Variants in XPO1 observed in about 807,000 individuals in gnomAD.
XPO1 encodes the protein exportin 1.
In XPO1, 5 loss-of-function variants were observed where a neutral mutation model predicts 133.3. The ratio of observed to expected loss-of-function variants is 0.04; its 90% CI spans 0.02 to 0.08. The LOEUF (loss-of-function observed/expected upper bound fraction) is 0.08, where lower values mean the gene tolerates loss of function less well. Among genes scored for constraint, XPO1 ranks in the 10% least tolerant of loss-of-function variants. The pLI, the probability that XPO1 is intolerant of heterozygous loss-of-function variation, is 1.00. For missense variants in XPO1, 506 were observed against 1,267.5 expected, an observed-to-expected ratio of 0.40 and a Z score of 9.12; for synonymous variants, 419 against 408.2, an observed-to-expected ratio of 1.03 and a Z score of -0.32.
Position 61,482,033 on chromosome 2 carries a change from C to CTTTTTTTTTTTTTTTTTTTTTTTTTTTTT in XPO1, c.2972+346_2972+347insAAAAAAAAAAAAAAAAAAAAAAAAAAAAA, listed in dbSNP as rs1491506588. ...TACAGTCATGAGCCACCGTGCGTGG[C>CTTTTTTTTTTTTTTTTTTTTTTTTTTTTT]CTTTTTTTTTTTTTTTTTTTTTTTG... On this transcript the variant is annotated intron_variant, in intron 23 of 24. Coordinates refer to ENST00000401558, the MANE Select transcript of XPO1 (RefSeq NM_003400.4). 7.7e-4 allele frequency among the ~76,000 whole-genome samples: 67 copies of CTTTTTTTTTTTTTTTTTTTTTTTTTTTTT among 86,822 alleles called. 18 individuals carry two copies. Among genetic ancestry groups the CTTTTTTTTTTTTTTTTTTTTTTTTTTTTT allele is most frequent in the Middle Eastern group, 8.3e-3 (1 of 120 alleles). The allele number at this position is 86,822 out of a possible 152,430, so 57.0% of individuals were successfully genotyped here. A position where few individuals can be genotyped will look rare whatever the true frequency, so the allele number is the denominator to read the frequency against.
chr2:61,529,475 G>A (rs1699059139), intron 2 of XPO1, among the ~76,000 whole-genome samples: 1 of 152,096 alleles, frequency 6.6e-6, no homozygotes, highest in Non-Finnish European at 1.5e-5. Context: ...GGCCAACATG[G>A]TGAAACCCCG....
chr2:61,478,276 C>A lies in XPO1; in HGVS notation c.*544G>T, dbSNP rs1276769317. On this transcript the variant is annotated 3_prime_UTR_variant, in exon 25 of 25. Coordinates refer to ENST00000401558, the MANE Select transcript of XPO1 (RefSeq NM_003400.4). ...TCGCTTTACAATGGGATGATATGCA[C>A]ATGATCTTGCTGCAATCTTGCCAAA... 1.3e-5 allele frequency: 3 copies of A among 233,690 alleles called. No individual in the cohort carries two copies. The highest frequency in any genetic ancestry group is 1.7e-5 in the Non-Finnish European group (2 of 118,084). The allele number at this position is 233,690 out of a possible 1,614,324, so 14.5% of individuals were successfully genotyped here. A position where few individuals can be genotyped will look rare whatever the true frequency, so the allele number is the denominator to read the frequency against.
At chr2:61,486,262 C>T (rs910614236) in intron 19 of XPO1, among the ~76,000 whole-genome samples, 5 of 152,088 alleles carry the variant, frequency 3.3e-5, no homozygotes, top group Non-Finnish European at 7.4e-5. Context: ...CAACCTCCAC[C>T]TCCCAGGTTC....
At chr2:61,518,435 CACACACACACACA>C (rs1698517588) in intron 4 of XPO1, among the ~76,000 whole-genome samples, 1 of 139,806 alleles carries the variant, frequency 7.2e-6, no homozygotes, top group South Asian at 2.2e-4. Flanking sequence ...CACACACACA[CACACACACACACA>C]CACACACACA....
rs548597235 is a variant in XPO1 at position 61,505,982 on chromosome 2, A to G, written c.302-3672T>C. Among the ~76,000 whole-genome samples the G allele has an allele frequency of 2.2e-4, 34 of 152,368 alleles. No homozygotes were observed. In the East Asian group the frequency reaches 6.4e-3, roughly 29 times the overall value. On this transcript the variant is annotated intron_variant, in intron 4 of 24. Transcript: ENST00000401558. ...GTTCCTTACAGATTATTATCAATAA[A>G]ACCCCCATGGCCAGGTACAGTGGCC...
chr2:61,488,898 G>A (rs760589343), intron 17 of XPO1, 127 bp from the exon 18 acceptor site: 31 of 961,972 alleles, frequency 3.2e-5, no homozygotes, highest in Non-Finnish European at 4.7e-6. Flanking sequence ...TCAGGAGATC[G>A]GGACCATCCT....
intron 2 of XPO1, among the ~76,000 whole-genome samples, chr2:61,529,527 G>A (rs1050642842): frequency 4.6e-5 from 7 of 151,990 alleles, no homozygotes; most frequent in Non-Finnish European, 1.0e-4. Flanking sequence ...ATGGTGGGGC[G>A]TACTTGTAAT....
intron 19 of XPO1, 38 bp from the exon 20 acceptor site, chr2:61,486,000 G>GCC: frequency 6.5e-7 from 1 of 1,537,014 alleles, no homozygotes; most frequent in Non-Finnish European, 8.8e-7. Flanking sequence ...TTTTAATTTA[G>GCC]GTACATGGTG....
intron 2 of XPO1, among the ~76,000 whole-genome samples, chr2:61,532,191 A>G (rs1358315121): frequency 6.6e-6 from 1 of 152,032 alleles, no homozygotes; most frequent in African/African-American, 2.4e-5. Context: ...GCAGTGGCGC[A>G]ACCTCGGCTC....
rs1696157341 is a variant in XPO1, at chr2:61,478,268, G to C, written c.*552C>G. 2 of 233,652 alleles carry C rather than the reference G, an allele frequency of 8.6e-6. No homozygotes were observed. Among genetic ancestry groups the C allele is most frequent in the Non-Finnish European group, 1.7e-5 (2 of 118,048 alleles). The allele number at this position is 233,652 out of a possible 1,614,324, so 14.5% of individuals were successfully genotyped here. A position where few individuals can be genotyped will look rare whatever the true frequency, so the allele number is the denominator to read the frequency against. ...TTTTGAAGTCGCTTTACAATGGGAT[G>C]ATATGCACATGATCTTGCTGCAATC... On this transcript the variant is annotated 3_prime_UTR_variant, in exon 25 of 25. Transcript: ENST00000401558.
chr2:61,532,187 G>A (rs1162209019), intron 2 of XPO1, among the ~76,000 whole-genome samples: 1 of 152,020 alleles, frequency 6.6e-6, no homozygotes, highest in Admixed American at 6.5e-5. Flanking sequence ...GAGTGCAGTG[G>A]CGCAACCTCG....
chr2:61,485,298 AAAAGGATGCC>A (rs1482529229), intron 20 of XPO1: 3 of 153,078 alleles, frequency 2.0e-5, no homozygotes, highest in Admixed American at 6.5e-5. Flanking sequence ...CTACGTTCAT[AAAAGGATGCC>A]CCGACCTATG....
At chr2:61,486,149 G>T (rs1696681669) in intron 19 of XPO1, among the ~76,000 whole-genome samples, 187 bp from the exon 20 acceptor site, 1 of 152,028 alleles carries the variant, frequency 6.6e-6, no homozygotes, top group Admixed American at 6.6e-5. Context: ...AATCACAATG[G>T]GTTGGGAAGT....
Position 61,501,927 on chromosome 2 carries a change from G to A in XPO1, c.408+69C>T, listed in dbSNP as rs993832744. On this transcript the variant is annotated intron_variant, in intron 6 of 24. Transcript: ENST00000401558. ...AATATTAGTATACTTTATTTCCTAA[G>A]TAGGTCGAACATTTTGTTCAAATAA... 3.8e-6 allele frequency: 5 copies of A among 1,320,938 alleles called. No homozygotes were observed. The African/African-American group carries it at 7.4e-5, about 20-fold the overall frequency. The allele number at this position is 1,320,938 out of a possible 1,614,324, so 81.8% of individuals were successfully genotyped here. A position where few individuals can be genotyped will look rare whatever the true frequency, so the allele number is the denominator to read the frequency against.
intron 2 of XPO1, among the ~76,000 whole-genome samples, chr2:61,526,944 G>C (rs1278521028): frequency 6.6e-6 from 1 of 152,080 alleles, no homozygotes; most frequent in African/African-American, 2.4e-5. Context: ...CTGACCTCAG[G>C]TGATCTGCCT....
chr2:61,490,317 G>A (rs1445013223), intron 17 of XPO1, among the ~76,000 whole-genome samples: 3 of 151,598 alleles, frequency 2.0e-5, no homozygotes, highest in African/African-American at 4.9e-5. Context: ...TCCTGCCTAA[G>A]CCTCCTCAGT....
intron 4 of XPO1, among the ~76,000 whole-genome samples, chr2:61,513,850 A>G (rs1392115061): frequency 1.3e-5 from 2 of 152,158 alleles, no homozygotes; most frequent in East Asian, 3.8e-4. Context: ...GAATACAAAG[A>G]GCCCTTAGAT....
At chr2:61,510,192 G>C (rs1039458689) in intron 4 of XPO1, among the ~76,000 whole-genome samples, 1 of 151,994 alleles carries the variant, frequency 6.6e-6, no homozygotes, top group Non-Finnish European at 1.5e-5. Flanking sequence ...CACAAGAATC[G>C]CTTCAACCCG....
At chr2:61,498,646 CA>C in intron 9 of XPO1, 26 bp downstream of exon 9, 1 of 1,610,014 alleles carries the variant, frequency 6.2e-7, no homozygotes, top group Non-Finnish European at 8.5e-7. Flanking sequence ...TATCCGGTGA[CA>C]AATAACTGAA....
Sources: gnomAD v4.1 joint callset for allele counts (sites outside exome capture counted in the v4.1 genomes callset) on GRCh38, gnomAD v4.1.1 for gene constraint, MANE v1.5 for transcripts, NCBI Gene and HGNC (gene_info 2026-07-23, HGNC 2026-07-21) for gene names.